KRABD4: variants seen among roughly 807,000 people sequenced by gnomAD.
The protein encoded by KRABD4 is KRAB domain-containing protein 4.
the KRABD4 span, among the ~76,000 whole-genome samples, chrX:46,464,976 A>G: frequency 8.9e-6 from 1 of 111,921 alleles, no homozygotes; most frequent in African/African-American, 3.2e-5. Context: ...GAGCACCTCC[A>G]TAGGTTTAGG....
At chrX:46,447,682 A>G in the KRABD4 span, among the ~76,000 whole-genome samples, 1 of 112,063 alleles carries the variant, frequency 8.9e-6, no homozygotes, top group East Asian at 2.8e-4. Flanking sequence ...AATGTTTCAC[A>G]TTAATCTTCA....
At chrX:46,471,048 C>G in the KRABD4 span, 1 of 997,826 alleles carries the variant, frequency 1.0e-6, no homozygotes, top group Non-Finnish European at 1.4e-6. Context: ...TATCTATATC[C>G]TTGCTGGTTT....
At chrX:46,466,477 A>T in the KRABD4 span, among the ~76,000 whole-genome samples, 83 of 111,613 alleles carry the variant, frequency 7.4e-4, 3 homozygotes, top group East Asian at 0.019. Context: ...CATCAATTCG[A>T]TTTATTTTCT....
chrX:46,457,842 A>G, the KRABD4 span, among the ~76,000 whole-genome samples: 1 of 109,970 alleles, frequency 9.1e-6, no homozygotes, highest in Non-Finnish European at 1.9e-5. Context: ...TCTCGGGTTC[A>G]AGCGATTCTC....
the KRABD4 span, among the ~76,000 whole-genome samples, chrX:46,470,332 G>C: frequency 9.0e-6 from 1 of 111,333 alleles, no homozygotes; most frequent in African/African-American, 3.3e-5. Context: ...GCTTTGTATA[G>C]CTATACCCAT....
At chrX:46,468,284 C>G in the KRABD4 span, among the ~76,000 whole-genome samples, 1 of 111,237 alleles carries the variant, frequency 9.0e-6, no homozygotes, top group Admixed American at 9.6e-5. Flanking sequence ...CCTATAATCC[C>G]AGCACTTTGG....
chrX:46,463,235 G>T, the KRABD4 span: 15 of 1,212,039 alleles, frequency 1.2e-5, no homozygotes, highest in Non-Finnish European at 1.7e-5. Flanking sequence ...TCTTCAGGTT[G>T]GGACCAGGTG....
At chrX:46,466,277 T>G in the KRABD4 span, among the ~76,000 whole-genome samples, 1 of 112,487 alleles carries the variant, frequency 8.9e-6, no homozygotes, top group Non-Finnish European at 1.9e-5. Flanking sequence ...ACTTTCAGTT[T>G]ACTTTGCTGT....
chrX:46,449,087 G>A, the KRABD4 span, among the ~76,000 whole-genome samples: 2 of 112,288 alleles, frequency 1.8e-5, no homozygotes, highest in South Asian at 3.7e-4. Context: ...GTATGCAATG[G>A]TTACTCTGCA....
At chrX:46,448,399 G>A in the KRABD4 span, 1 of 112,656 alleles carries the variant, frequency 8.9e-6, no homozygotes, top group African/African-American at 3.2e-5. Flanking sequence ...TTGGTCCTGC[G>A]GCCTTGGACA....
At chrX:46,468,379 T>C in the KRABD4 span, among the ~76,000 whole-genome samples, 1 of 109,397 alleles carries the variant, frequency 9.1e-6, no homozygotes, top group African/African-American at 3.3e-5. Context: ...TACTAAAAAA[T>C]TAGCTGGGCA....
the KRABD4 span, among the ~76,000 whole-genome samples, chrX:46,450,968 C>T: frequency 9.0e-6 from 1 of 111,145 alleles, no homozygotes; most frequent in Non-Finnish European, 1.9e-5. Context: ...CTCCAAAGTG[C>T]TGGGATTACA....
chrX:46,467,624 T>C, the KRABD4 span, among the ~76,000 whole-genome samples: 2 of 111,774 alleles, frequency 1.8e-5, no homozygotes, highest in Non-Finnish European at 3.8e-5. Flanking sequence ...TATTTTGTTT[T>C]CCCACCAACA....
the KRABD4 span, chrX:46,462,628 G>A: frequency 2.8e-5 from 33 of 1,158,135 alleles, no homozygotes; most frequent in South Asian, 3.7e-4. Context: ...TGCACCTCAC[G>A]CTCTTCATCT....
chrX:46,471,294 C>G, the KRABD4 span: 2 of 836,481 alleles, frequency 2.4e-6, no homozygotes, highest in Non-Finnish European at 3.3e-6. Flanking sequence ...AAGTCATTGT[C>G]TGAAATTAAT....
At chrX:46,455,579 T>C in the KRABD4 span, 1 of 427,323 alleles carries the variant, frequency 2.3e-6, no homozygotes, top group African/African-American at 2.4e-5. Context: ...ATTTCTGTTC[T>C]AGGATTTGAT....
At chrX:46,451,502 T>C in the KRABD4 span, among the ~76,000 whole-genome samples, 2 of 111,150 alleles carry the variant, frequency 1.8e-5, no homozygotes, top group African/African-American at 6.5e-5. Context: ...AAGTTTTTAA[T>C]TTTTTTTTAC....
the KRABD4 span, chrX:46,456,877 A>G: frequency 2.6e-6 from 1 of 382,711 alleles, no homozygotes; most frequent in Non-Finnish European, 4.2e-6. Context: ...CCAATATCCA[A>G]CTTGTGAAGT....
the KRABD4 span, chrX:46,474,193 GAA>G: frequency 1.8e-5 from 2 of 111,363 alleles, no homozygotes; most frequent in Non-Finnish European, 3.8e-5. Flanking sequence ...ACTTAATAAA[GAA>G]AAAAAATGTA....
Sources: gnomAD v4.1 joint callset for allele counts (sites outside exome capture counted in the v4.1 genomes callset) on GRCh38, gnomAD v4.1.1 for gene constraint, MANE v1.5 for transcripts, NCBI Gene and HGNC (gene_info 2026-07-23, HGNC 2026-07-21) for gene names.